PIERCE2: variants seen among roughly 807,000 people sequenced by gnomAD.
PIERCE2 encodes piercer of microtubule wall 2 protein.
At chr15:55,414,695 A>G in the PIERCE2 span, among the ~76,000 whole-genome samples, 6 of 150,406 alleles carry the variant, frequency 4.0e-5, no homozygotes, top group African/African-American at 1.5e-4. Flanking sequence ...CCTGGCCAAC[A>G]TGGTGAAACC....
chr15:55,416,776 T>C, the PIERCE2 span, among the ~76,000 whole-genome samples: 1 of 152,032 alleles, frequency 6.6e-6, no homozygotes, highest in Non-Finnish European at 1.5e-5. Flanking sequence ...CTGGCCAACA[T>C]GGTGAAACCC....
the PIERCE2 span, among the ~76,000 whole-genome samples, chr15:55,411,937 T>C: frequency 6.6e-6 from 1 of 150,526 alleles, no homozygotes; most frequent in Non-Finnish European, 1.5e-5. Context: ...AAAAAATAAA[T>C]AAATTTAGCT....
At chr15:55,415,456 C>CAA in the PIERCE2 span, among the ~76,000 whole-genome samples, 114 of 82,734 alleles carry the variant, frequency 1.4e-3, no homozygotes, top group African/African-American at 3.1e-3. Context: ...AACTTCGTCT[C>CAA]AAAAAAAAAA....
chr15:55,412,857 T>C, the PIERCE2 span, among the ~76,000 whole-genome samples: 1 of 152,124 alleles, frequency 6.6e-6, no homozygotes, highest in Non-Finnish European at 1.5e-5. Flanking sequence ...GGGATTGATA[T>C]GGTAGCTTAT....
At chr15:55,418,041 C>T in the PIERCE2 span, 2 of 1,210,976 alleles carry the variant, frequency 1.7e-6, no homozygotes, top group Admixed American at 5.1e-5. Flanking sequence ...TGCTTCAGGC[C>T]ATCTGGATGT....
chr15:55,409,042 G>T, the PIERCE2 span, among the ~76,000 whole-genome samples: 1 of 152,164 alleles, frequency 6.6e-6, no homozygotes, highest in Non-Finnish European at 1.5e-5. Context: ...TTTTGAACAA[G>T]AAAAACGTAC....
At chr15:55,409,101 T>C in the PIERCE2 span, among the ~76,000 whole-genome samples, 466 of 152,034 alleles carry the variant, frequency 3.1e-3, 3 homozygotes, top group African/African-American at 0.011. Flanking sequence ...AAGAAGGGAG[T>C]TGTTTTGAAA....
the PIERCE2 span, among the ~76,000 whole-genome samples, chr15:55,413,275 A>C: frequency 6.6e-6 from 1 of 151,716 alleles, no homozygotes; most frequent in Non-Finnish European, 1.5e-5. Flanking sequence ...CTCAAAAAAA[A>C]AAAAAAATTA....
the PIERCE2 span, chr15:55,418,573 A>C: frequency 7.0e-7 from 1 of 1,427,014 alleles, no homozygotes; most frequent in South Asian, 1.3e-5. Context: ...CTCTATGAAA[A>C]TATATTCCTT....
At chr15:55,408,913 G>C in the PIERCE2 span, 1 of 613,034 alleles carries the variant, frequency 1.6e-6, no homozygotes, top group East Asian at 2.9e-5. Flanking sequence ...CAACTACTGA[G>C]CTTTTACATT....
chr15:55,408,744 A>G, the PIERCE2 span: 22 of 1,525,920 alleles, frequency 1.4e-5, no homozygotes, highest in Middle Eastern at 1.7e-4. Context: ...GACTTTGCCG[A>G]AAAAATTAAC....
At chr15:55,408,503 C>G in the PIERCE2 span, 1 of 335,300 alleles carries the variant, frequency 3.0e-6, no homozygotes, top group East Asian at 4.6e-5. Flanking sequence ...CAGATCCCCA[C>G]AACATCCGGG....
the PIERCE2 span, among the ~76,000 whole-genome samples, chr15:55,411,556 C>T: frequency 3.4e-4 from 52 of 151,736 alleles, no homozygotes; most frequent in Non-Finnish European, 6.9e-4. Context: ...GAAGCCGAGG[C>T]AGGTGGATCA....
the PIERCE2 span, among the ~76,000 whole-genome samples, chr15:55,412,072 C>G: frequency 9.1e-6 from 1 of 109,678 alleles, no homozygotes; most frequent in African/African-American, 3.6e-5. Flanking sequence ...GACTGGGCAA[C>G]AGAGTGAGAC....
chr15:55,415,186 G>T, the PIERCE2 span, among the ~76,000 whole-genome samples: 4 of 151,600 alleles, frequency 2.6e-5, no homozygotes, highest in African/African-American at 9.7e-5. Flanking sequence ...GGAAGGGCTT[G>T]GCCGGGCGTG....
chr15:55,415,739 G>A, the PIERCE2 span, among the ~76,000 whole-genome samples: 2 of 152,072 alleles, frequency 1.3e-5, no homozygotes, highest in African/African-American at 2.4e-5. Context: ...TAACATAACC[G>A]ATTAGGTCAG....
chr15:55,415,613 G>A, the PIERCE2 span, among the ~76,000 whole-genome samples: 3 of 152,252 alleles, frequency 2.0e-5, no homozygotes, highest in Admixed American at 6.6e-5. Context: ...AGTCCTGATC[G>A]ATTGAGCAAG....
the PIERCE2 span, chr15:55,418,372 G>C: frequency 2.6e-6 from 4 of 1,536,888 alleles, no homozygotes; most frequent in Non-Finnish European, 3.5e-6. Flanking sequence ...AACCTCAAAT[G>C]ATTATGTATA....
the PIERCE2 span, chr15:55,418,500 AT>A: frequency 6.5e-7 from 1 of 1,527,746 alleles, no homozygotes; most frequent in Non-Finnish European, 8.8e-7. Context: ...TTTTATCAAA[AT>A]AACACTCTAA....
Sources: gnomAD v4.1 joint callset for allele counts (sites outside exome capture counted in the v4.1 genomes callset) on GRCh38, gnomAD v4.1.1 for gene constraint, MANE v1.5 for transcripts, NCBI Gene and HGNC (gene_info 2026-07-23, HGNC 2026-07-21) for gene names.